The following PDE4D variants were observed in gnomAD, a reference collection of about 807,000 sequenced individuals.
The protein encoded by PDE4D is phosphodiesterase 4D.
Under a neutral mutation model 87.4 loss-of-function variants are expected in PDE4D, and 24 were observed. That is an observed-to-expected ratio of 0.27 (90% CI 0.20 to 0.39). The LOEUF is 0.39. Ranked by LOEUF, PDE4D falls within the 10% of genes least tolerant of loss-of-function variation. The pLI, the probability that PDE4D is intolerant of heterozygous loss-of-function variation, is 1.00. For synonymous variants in PDE4D, 384 were observed against 383.2 expected, an observed-to-expected ratio of 1.00 and a Z score of -0.02; for missense variants, 714 against 1,041.0, an observed-to-expected ratio of 0.69 and a Z score of 4.32.
intron 5 of PDE4D, among the ~76,000 whole-genome samples, chr5:59,154,221 T>C (rs777220008): frequency 6.6e-5 from 10 of 152,314 alleles, no homozygotes; most frequent in Non-Finnish European, 1.2e-4. Flanking sequence ...AGGCCAGAGC[T>C]AAGAAGAGGT....
chr5:59,462,659 T>A (rs1406754685), intron 1 of PDE4D, among the ~76,000 whole-genome samples: 2 of 152,202 alleles, frequency 1.3e-5, no homozygotes, highest in African/African-American at 2.4e-5. Flanking sequence ...GCAACCAGCA[T>A]GAAATCTACT....
chr5:60,469,233 A>C (rs552312049), intron 1 of PDE4D, among the ~76,000 whole-genome samples: 21 of 152,058 alleles, frequency 1.4e-4, no homozygotes, highest in Non-Finnish European at 2.9e-4. Flanking sequence ...TGTTTGTGTA[A>C]AGAATGGCCA....
chr5:60,468,084 T>C (rs1431251170), intron 1 of PDE4D, among the ~76,000 whole-genome samples: 3 of 151,676 alleles, frequency 2.0e-5, no homozygotes, highest in Non-Finnish European at 4.4e-5. Context: ...CCTCCCTCAC[T>C]GGACAGTCCC....
chr5:60,208,810 G>A (rs941558085), intron 1 of PDE4D, among the ~76,000 whole-genome samples: 2 of 152,086 alleles, frequency 1.3e-5, no homozygotes, highest in Non-Finnish European at 2.9e-5. Flanking sequence ...TGCCCTTTGA[G>A]AACCGTTATC....
At chr5:60,260,394 T>A (rs1022675884) in intron 1 of PDE4D, among the ~76,000 whole-genome samples, 9 of 152,046 alleles carry the variant, frequency 5.9e-5, no homozygotes, top group East Asian at 3.9e-4. Context: ...TTTTATTTTT[T>A]AAAAAAATCA....
intron 1 of PDE4D, among the ~76,000 whole-genome samples, chr5:59,220,140 A>G (rs190583677): frequency 6.6e-6 from 1 of 152,288 alleles, no homozygotes; most frequent in Admixed American, 6.5e-5. Context: ...AACTTTTAAC[A>G]TTGAAATCTC....
intron 1 of PDE4D, among the ~76,000 whole-genome samples, chr5:60,263,578 A>G (rs183790942): frequency 3.3e-5 from 5 of 152,340 alleles, no homozygotes; most frequent in Admixed American, 2.0e-4. Flanking sequence ...CTCTTGCAAT[A>G]AAATGCTTCA....
At chr5:59,791,895 A>T (rs148700535) in intron 1 of PDE4D, among the ~76,000 whole-genome samples, 99 of 152,312 alleles carry the variant, frequency 6.5e-4, no homozygotes, top group Non-Finnish European at 1.1e-3. Context: ...AGCTCCTGGG[A>T]TGTTATGAGA....
At chr5:60,387,868 G>C (rs1191358479) in intron 1 of PDE4D, among the ~76,000 whole-genome samples, 1 of 152,130 alleles carries the variant, frequency 6.6e-6, no homozygotes, top group Non-Finnish European at 1.5e-5. Context: ...CATAGGTTGA[G>C]GGCTCAGTCC....
intron 3 of PDE4D, among the ~76,000 whole-genome samples, chr5:59,931,160 CTATT>C (rs1276055810): frequency 6.6e-4 from 100 of 152,294 alleles, no homozygotes; most frequent in African/African-American, 2.3e-3. Context: ...ACTGTACAAA[CTATT>C]TATCTTTTCC....
rs571765594 is a variant in PDE4D, at chr5:60,331,635, G to A, written c.-89-145948C>T. Among the ~76,000 whole-genome samples, 8 of 152,306 alleles carry A rather than the reference G, an allele frequency of 5.3e-5. No homozygotes were observed. In the South Asian group the frequency reaches 1.7e-3, roughly 32 times the overall value. On this transcript the variant is annotated intron_variant, in intron 1 of 16. Coordinates refer to the PDE4D transcript ENST00000502484. ...CCCAGACCATGGCTTACATGGGAGG[G>A]TTAGGGGATATGATTACTTGGACTT...
At chr5:59,822,753 TA>T (rs1163171088) in intron 1 of PDE4D, among the ~76,000 whole-genome samples, 1 of 152,184 alleles carries the variant, frequency 6.6e-6, no homozygotes, top group Non-Finnish European at 1.5e-5. Context: ...ATACGTGGCC[TA>T]AAACAATGCA....
intron 3 of PDE4D, among the ~76,000 whole-genome samples, chr5:59,936,305 T>C (rs918442177): frequency 6.6e-6 from 1 of 151,988 alleles, no homozygotes; most frequent in Non-Finnish European, 1.5e-5. Context: ...GGCACGTGTA[T>C]ACATATGTAA....
intron 5 of PDE4D, among the ~76,000 whole-genome samples, chr5:59,048,115 C>G (rs1760997340): frequency 6.6e-6 from 1 of 152,114 alleles, no homozygotes; most frequent in South Asian, 2.1e-4. Flanking sequence ...AATTTTCATT[C>G]CAAACACATA....
intron 1 of PDE4D, among the ~76,000 whole-genome samples, chr5:59,515,539 A>C (rs7700365): frequency 0.24 from 36,300 of 152,126 alleles, 5,742 homozygotes; most frequent in African/African-American, 0.46. Flanking sequence ...ATTGTCTACA[A>C]AGAATACCTA....
chr5:60,235,626 T>C (rs1746338329), intron 1 of PDE4D, among the ~76,000 whole-genome samples: 1 of 151,770 alleles, frequency 6.6e-6, no homozygotes, highest in Non-Finnish European at 1.5e-5. Flanking sequence ...GGTCTCCTAG[T>C]TCAGCCCTCT....
Position 59,672,045 on chromosome 5 carries a change from G to A in PDE4D, c.455+221123C>T, listed in dbSNP as rs114187793. 3.5e-3 allele frequency among the ~76,000 whole-genome samples: 531 copies of A among 152,172 alleles called. 4 individuals are homozygous for A. Among genetic ancestry groups the A allele is most frequent in the African/African-American group, 0.012 (513 of 41,532 alleles). On this transcript the variant is annotated intron_variant, in intron 1 of 14. Coordinates refer to ENST00000340635, the MANE Select transcript of PDE4D (RefSeq NM_001104631.2). ...AACTCTATAGCACACTCTTGAAGAT[G>A]AGATATTCATGGACCCTCCCTAAAT...
intron 2 of PDE4D, among the ~76,000 whole-genome samples, chr5:60,104,568 T>A (rs1776645283): frequency 6.6e-6 from 1 of 152,124 alleles, no homozygotes; most frequent in Non-Finnish European, 1.5e-5. Context: ...CTCAAGTGGG[T>A]CCCTGACCCC....
chr5:60,146,976 G>A (rs1178588259), intron 2 of PDE4D, among the ~76,000 whole-genome samples: 1 of 152,112 alleles, frequency 6.6e-6, no homozygotes, highest in African/African-American at 2.4e-5. Context: ...ATAAATATTG[G>A]GGAGGATATG....
Sources: allele counts gnomAD v4.1 joint callset (sites outside exome capture counted in the v4.1 genomes callset), GRCh38; gene constraint gnomAD v4.1.1; transcripts MANE v1.5; gene names NCBI Gene and HGNC (gene_info 2026-07-23, HGNC 2026-07-21).